LNX1: variants seen among roughly 807,000 people sequenced by gnomAD.
The protein encoded by LNX1 is ligand of numb-protein X 1.
LNX1 carries 54 observed loss-of-function variants against 68.4 expected under a neutral mutation model. The ratio of observed to expected loss-of-function variants is 0.79; its 90% CI spans 0.63 to 0.99. The LOEUF (loss-of-function observed/expected upper bound fraction) is 0.99. LNX1 is among the 50% of genes least tolerant of loss of function. The pLI is 0.00. For missense variants in LNX1, 906 were observed against 926.4 expected (o/e 0.98, Z 0.29); for synonymous variants, 336 against 350.0 (o/e 0.96, Z 0.45).
At chr4:53,507,598 T>C (rs977105595) in intron 3 of LNX1, 129 bp from the exon 4 acceptor site, 7 of 1,074,640 alleles carry the variant, frequency 6.5e-6, no homozygotes, top group Admixed American at 2.7e-5. Context: ...ATTGTAGAAT[T>C]TGCTTACCTG....
chr4:53,506,829 A>T (rs1725910502), intron 4 of LNX1, among the ~76,000 whole-genome samples: 1 of 139,924 alleles, frequency 7.1e-6, no homozygotes, highest in Non-Finnish European at 1.5e-5. Context: ...GTTGCACTCC[A>T]GCCTGGGCGA....
intron 2 of LNX1, among the ~76,000 whole-genome samples, chr4:53,613,833 A>G (rs1269321763): frequency 6.6e-6 from 1 of 152,080 alleles, no homozygotes; most frequent in South Asian, 2.1e-4. Flanking sequence ...CAGTAATGGG[A>G]TTGCTGGGTT....
intron 2 of LNX1, among the ~76,000 whole-genome samples, chr4:53,536,290 C>CT (rs1258064620): frequency 1.3e-5 from 2 of 151,014 alleles, no homozygotes; most frequent in African/African-American, 4.9e-5. Context: ...TGCCCAAAGC[C>CT]ACCTACCTCG....
intron 2 of LNX1, chr4:53,558,246 G>A: frequency 2.4e-6 from 3 of 1,231,184 alleles, no homozygotes; most frequent in South Asian, 3.7e-5. Flanking sequence ...CCCAGGAAAG[G>A]AACCAGCCCC....
chr4:53,559,171 G>T (rs1730114947), intron 2 of LNX1, among the ~76,000 whole-genome samples: 1 of 152,216 alleles, frequency 6.6e-6, no homozygotes, highest in Admixed American at 6.5e-5. Flanking sequence ...GAGACGAGTT[G>T]CAATGAACTG....
chr4:53,505,774 G>C (rs1328268649), intron 4 of LNX1, among the ~76,000 whole-genome samples: 1 of 152,176 alleles, frequency 6.6e-6, no homozygotes, highest in Non-Finnish European at 1.5e-5. Flanking sequence ...GCTGATACAG[G>C]TGCTTCAAAA....
At chr4:53,646,503 C>T (rs948823748) in intron 1 of LNX1, among the ~76,000 whole-genome samples, 1 of 152,198 alleles carries the variant, frequency 6.6e-6, no homozygotes, top group African/African-American at 2.4e-5. Flanking sequence ...GCTATATTCC[C>T]AGCATCCAGA....
upstream of LNX1, among the ~76,000 whole-genome samples, chr4:53,622,140 A>T (rs1282102526): frequency 1.3e-5 from 2 of 152,194 alleles, no homozygotes; most frequent in African/African-American, 4.8e-5. Flanking sequence ...TTTTAAAAAC[A>T]TGATTTATCA....
At chr4:53,573,024 C>G (rs1316777573) in intron 2 of LNX1, among the ~76,000 whole-genome samples, 1 of 152,172 alleles carries the variant, frequency 6.6e-6, no homozygotes, top group Non-Finnish European at 1.5e-5. Context: ...AAAAAGCAAG[C>G]AGTGCCCAAC....
At chr4:53,568,056 C>T (rs1278779178) in intron 2 of LNX1, among the ~76,000 whole-genome samples, 1 of 152,114 alleles carries the variant, frequency 6.6e-6, no homozygotes, top group African/African-American at 2.4e-5. Flanking sequence ...CAGCCGAATT[C>T]TACCAGAGGT....
chr4:53,596,410 T>C (rs756482012), upstream of LNX1, among the ~76,000 whole-genome samples: 1 of 152,196 alleles, frequency 6.6e-6, no homozygotes. Flanking sequence ...GCACATTTTG[T>C]GAAAGTTTAC....
intron 9 of LNX1, among the ~76,000 whole-genome samples, chr4:53,469,959 GA>G (rs1253368367): frequency 1.3e-5 from 2 of 152,136 alleles, no homozygotes; most frequent in Non-Finnish European, 2.9e-5. Flanking sequence ...CCAATCAATA[GA>G]AAAAGAGGGA....
chr4:53,465,719 G>C (rs1041647622), intron 9 of LNX1, among the ~76,000 whole-genome samples: 9 of 152,102 alleles, frequency 5.9e-5, no homozygotes. Flanking sequence ...AAAAAGATTT[G>C]CCTGTGTATT....
intron 2 of LNX1, among the ~76,000 whole-genome samples, chr4:53,527,123 A>C (rs1727675731): frequency 6.6e-6 from 1 of 151,946 alleles, no homozygotes; most frequent in Non-Finnish European, 1.5e-5. Context: ...ATTAGTTACA[A>C]CTGAAATATA....
chr4:53,642,223 T>TAAAAAAAAAA (rs745476837), intron 1 of LNX1, among the ~76,000 whole-genome samples: 2 of 96,306 alleles, frequency 2.1e-5, no homozygotes, highest in Non-Finnish European at 2.2e-5. Flanking sequence ...AATCCTATCT[T>TAAAAAAAAAA]AAAAAAAAAA....
intron 2 of LNX1, among the ~76,000 whole-genome samples, chr4:53,609,013 T>C (rs1733357665): frequency 6.6e-6 from 1 of 152,088 alleles, no homozygotes. Context: ...CAAACCATAC[T>C]ACAAGGCTAC....
chr4:53,529,102 A>AACACACACACACAC (rs201017055), intron 2 of LNX1, among the ~76,000 whole-genome samples: 2,040 of 138,334 alleles, frequency 0.015, 40 homozygotes, highest in Middle Eastern at 0.025. Flanking sequence ...AGTCCTGACC[A>AACACACACACACAC]ACACACACAC....
chr4:53,628,012 G>A (rs923671718), intron 1 of LNX1, among the ~76,000 whole-genome samples: 7 of 152,114 alleles, frequency 4.6e-5, no homozygotes, highest in Admixed American at 1.3e-4. Context: ...CATGGATATC[G>A]GTTTACAACA....
chr4:53,504,898 C>T (rs1725763942), intron 4 of LNX1, among the ~76,000 whole-genome samples: 1 of 152,090 alleles, frequency 6.6e-6, no homozygotes. Context: ...AAAACAATTA[C>T]AATAGTAACG....
Sources: gnomAD v4.1 joint callset for allele counts (sites outside exome capture counted in the v4.1 genomes callset) on GRCh38, gnomAD v4.1.1 for gene constraint, MANE v1.5 for transcripts, NCBI Gene and HGNC (gene_info 2026-07-23, HGNC 2026-07-21) for gene names.